The following ENOX1 variants were observed in gnomAD, a reference collection of about 807,000 sequenced individuals.
The protein encoded by ENOX1 is candidate growth-related and time keeping constitutive hydroquinone (NADH) oxidase.
A neutral mutation model predicts 82.5 loss-of-function variants in ENOX1; 42 were observed. That is an observed-to-expected ratio of 0.51 (90% CI 0.40 to 0.66). ENOX1 has a LOEUF of 0.66. Ranked by LOEUF, ENOX1 falls within the 30% of genes least tolerant of loss-of-function variation. The probability of loss-of-function intolerance (pLI) is 0.00; values close to 1 mark genes in which losing one functional copy is unlikely to be tolerated. For missense variants in ENOX1, 608 were observed against 811.6 expected (o/e 0.75, Z 3.05); for synonymous variants, 271 against 282.2 (o/e 0.96, Z 0.40).
At chr13:43,351,652 C>A (rs898382852) in intron 8 of ENOX1, among the ~76,000 whole-genome samples, 3 of 145,226 alleles carry the variant, frequency 2.1e-5, no homozygotes, top group African/African-American at 7.7e-5. Context: ...GTTCAATTCC[C>A]ACCTATGAGT....
At chr13:43,438,309 T>C (rs531265884) in intron 3 of ENOX1, among the ~76,000 whole-genome samples, 2 of 152,236 alleles carry the variant, frequency 1.3e-5, no homozygotes, top group African/African-American at 4.8e-5. Context: ...GAGGTAATTA[T>C]GGGAGACCAG....
At chr13:43,755,239 C>A (rs1276159259) in intron 1 of ENOX1, among the ~76,000 whole-genome samples, 1 of 152,116 alleles carries the variant, frequency 6.6e-6, no homozygotes, top group Non-Finnish European at 1.5e-5. Flanking sequence ...TCCATATGAC[C>A]ATCACTGTCA....
intron 3 of ENOX1, among the ~76,000 whole-genome samples, chr13:43,460,577 G>A (rs931617716): frequency 3.3e-5 from 5 of 151,980 alleles, no homozygotes; most frequent in Middle Eastern, 3.4e-3. Context: ...GAGGGATCAC[G>A]AGGTCAGGAG....
intron 1 of ENOX1, among the ~76,000 whole-genome samples, chr13:43,763,282 G>A (rs966632678): frequency 2.6e-5 from 4 of 152,092 alleles, no homozygotes; most frequent in African/African-American, 4.8e-5. Flanking sequence ...CAGCAGATCC[G>A]GTGTCTGGTG....
rs145348630 is a variant in ENOX1 at position 43,398,444 on chromosome 13, G to A, written c.208+13472C>T. 3.7e-3 allele frequency among the ~76,000 whole-genome samples: 564 copies of A among 152,184 alleles called. 1 individual carries two copies. The highest frequency in any genetic ancestry group is 6.4e-3 in the Non-Finnish European group (432 of 68,014). The stretch of plus-strand genomic sequence containing the variant: ...TTAGTTGCAGTTTCCAGGCCTCATG[G>A]TTTAGAAGGTCTAAAATAGGCCCAG... On this transcript the variant is annotated intron_variant, in intron 5 of 16. Coordinates refer to ENST00000690772, the MANE Select transcript of ENOX1 (RefSeq NM_001347969.2).
chr13:43,735,160 T>A (rs979892129), intron 1 of ENOX1, among the ~76,000 whole-genome samples: 1 of 152,204 alleles, frequency 6.6e-6, no homozygotes, highest in African/African-American at 2.4e-5. Context: ...ATTACCATGT[T>A]ATAAAATCCC....
At chr13:43,374,085 C>T (rs2051436277) in intron 5 of ENOX1, among the ~76,000 whole-genome samples, 1 of 149,698 alleles carries the variant, frequency 6.7e-6, no homozygotes, top group Non-Finnish European at 1.5e-5. Context: ...CCTTGCCTTC[C>T]CTTCCCTTCT....
chr13:43,543,319 A>G (rs111882049), intron 2 of ENOX1, among the ~76,000 whole-genome samples: 9 of 152,306 alleles, frequency 5.9e-5, no homozygotes, highest in Admixed American at 2.6e-4. Context: ...TAGTGAATGG[A>G]TCAGAAACAT....
At position 43,299,616 on chromosome 13, in the gene ENOX1, C is replaced by T. The variant is rs117568024; in HGVS notation, c.1262-1086G>A. ...CAGAGTCTCTGCTCTCGATTACCAT[C>T]GGTCCATGTGTTTAGTTCTTACCAG... On this transcript the variant is annotated intron_variant, in intron 11 of 16. Coordinates refer to ENST00000690772, the MANE Select transcript of ENOX1 (RefSeq NM_001347969.2). 9.2e-3 allele frequency among the ~76,000 whole-genome samples: 1,405 copies of T among 152,268 alleles called. 10 individuals carry two copies. The highest frequency in any genetic ancestry group is 0.012 in the Non-Finnish European group (818 of 68,026).
rs9594917 is a variant in ENOX1 at position 43,255,864 on chromosome 13, A to G, written c.1611+9534T>C. On this transcript the variant is annotated intron_variant, in intron 14 of 16. Transcript: ENST00000690772. Reference sequence around the variant, plus strand: ...CTACCCGAAGCAATTTACAGATTCAATGCAATCGCTATCAAGATACCAGTG... The same window carrying G: ...CTACCCGAAGCAATTTACAGATTCAGTGCAATCGCTATCAAGATACCAGTG... 3.6e-3 allele frequency among the ~76,000 whole-genome samples: 546 copies of G among 152,302 alleles called. 2 individuals are homozygous for G. Among genetic ancestry groups the G allele is most frequent in the Non-Finnish European group, 4.7e-3 (320 of 67,998 alleles).
At chr13:43,734,715 C>T (rs1313494810) in intron 1 of ENOX1, among the ~76,000 whole-genome samples, 1 of 152,084 alleles carries the variant, frequency 6.6e-6, no homozygotes, top group Non-Finnish European at 1.5e-5. Flanking sequence ...CAGCATGCAC[C>T]ACTAGCAACT....
intron 2 of ENOX1, among the ~76,000 whole-genome samples, chr13:43,582,693 C>T (rs2080801500): frequency 6.6e-6 from 1 of 152,096 alleles, no homozygotes; most frequent in African/African-American, 2.4e-5. Flanking sequence ...CCCACCTCAG[C>T]CTCCTAAGCA....
chr13:43,218,051 A>C (rs1392251865), intron 16 of ENOX1, among the ~76,000 whole-genome samples: 3 of 152,250 alleles, frequency 2.0e-5, no homozygotes, highest in Admixed American at 6.5e-5. Flanking sequence ...GGTGGAACTT[A>C]GGCACAGAGA....
chr13:43,643,398 T>C (rs2083745794), intron 2 of ENOX1, among the ~76,000 whole-genome samples: 1 of 152,196 alleles, frequency 6.6e-6, no homozygotes, highest in Non-Finnish European at 1.5e-5. Context: ...ACATCAGTGT[T>C]ATCCAGTTAT....
chr13:43,506,209 T>C (rs1308528035), intron 2 of ENOX1, among the ~76,000 whole-genome samples: 3 of 151,794 alleles, frequency 2.0e-5, no homozygotes, highest in African/African-American at 7.3e-5. Flanking sequence ...TTGTTCTTCT[T>C]ATGCAGCCAA....
At position 43,585,603 on chromosome 13, in the gene ENOX1, A is replaced by T. The variant is rs550105360; in HGVS notation, c.-219+81876T>A. Among the ~76,000 whole-genome samples, 20 of 152,280 alleles carry T rather than the reference A, an allele frequency of 1.3e-4. No homozygotes were observed. The South Asian group carries it at 2.9e-3, about 22-fold the overall frequency. ...TTTCTGTTTTTGTTTTTTGAGACGG[A>T]GTCTCACACTGTGGCCTGGGCTGGA... On this transcript the variant is annotated intron_variant, in intron 2 of 16. Coordinates refer to ENST00000690772, the MANE Select transcript of ENOX1 (RefSeq NM_001347969.2).
At chr13:43,702,443 T>A (rs1468615230) in intron 1 of ENOX1, among the ~76,000 whole-genome samples, 3 of 152,206 alleles carry the variant, frequency 2.0e-5, no homozygotes, top group African/African-American at 7.2e-5. Context: ...ATTAAACTTA[T>A]CCATTGGCAT....
At chr13:43,768,726 A>G (rs1301335452) in intron 1 of ENOX1, among the ~76,000 whole-genome samples, 1 of 152,180 alleles carries the variant, frequency 6.6e-6, no homozygotes, top group Non-Finnish European at 1.5e-5. Flanking sequence ...TATCTCATCT[A>G]TTTTTACCAC....
chr13:43,400,308 C>T (rs756362635), intron 5 of ENOX1, among the ~76,000 whole-genome samples: 28 of 152,206 alleles, frequency 1.8e-4, no homozygotes, highest in Non-Finnish European at 3.7e-4. Flanking sequence ...AGATGCCTGT[C>T]CTTTTCTGAG....
Sources: gnomAD v4.1 joint callset for allele counts (sites outside exome capture counted in the v4.1 genomes callset) on GRCh38, gnomAD v4.1.1 for gene constraint, MANE v1.5 for transcripts, NCBI Gene and HGNC (gene_info 2026-07-23, HGNC 2026-07-21) for gene names.